ALG14: variants seen among roughly 807,000 people sequenced by gnomAD.
ALG14 encodes UDP-N-acetylglucosamine transferase subunit ALG14.
A neutral mutation model predicts 22.8 loss-of-function variants in ALG14; 17 were observed. The ratio of observed to expected loss-of-function variants is 0.75; its 90% CI spans 0.51 to 1.12. The LOEUF (loss-of-function observed/expected upper bound fraction) is 1.12. ALG14 is among the 50% of genes most tolerant of loss of function. The pLI, the probability that ALG14 is intolerant of heterozygous loss-of-function variation, is 0.00. For missense variants in ALG14, 288 were observed against 271.8 expected (o/e 1.06, Z -0.42); for synonymous variants, 89 against 103.7 (o/e 0.86, Z 0.86).
chr1:94,980,646 C>T lies in ALG14; in HGVS notation c.*2430G>A, dbSNP rs1459257330. The T allele has an allele frequency of 6.6e-6, 1 of 152,140 alleles. No homozygotes were observed. The highest frequency in any genetic ancestry group is 2.4e-5 in the African/African-American group (1 of 41,422). The allele number at this position is 152,140 out of a possible 1,614,324, so 9.4% of individuals were successfully genotyped here. Reference sequence around the variant, plus strand: ...CACCAGCCCCCTCTGCTAATGGGACCTTGAGGACTCAAATTAGCCATAACA... The same window carrying T: ...CACCAGCCCCCTCTGCTAATGGGACTTTGAGGACTCAAATTAGCCATAACA... On this transcript the variant is annotated 3_prime_UTR_variant, in exon 4 of 4. Coordinates refer to ENST00000370205, the MANE Select transcript of ALG14 (RefSeq NM_144988.4).
chr1:95,072,930 G>C lies in ALG14; in HGVS notation c.-32C>G, dbSNP rs373118614. ...AAACGGCGCATGCGTCCAACTTCCGGGGACCAGCCGCTGTCAAAGTTCACA... is the reference window on the plus strand; with the variant it reads ...AAACGGCGCATGCGTCCAACTTCCGCGGACCAGCCGCTGTCAAAGTTCACA... On this transcript the variant is annotated 5_prime_UTR_variant, in exon 1 of 4. Coordinates refer to ENST00000370205, the MANE Select transcript of ALG14 (RefSeq NM_144988.4). The C allele has an allele frequency of 1.2e-6, 2 of 1,612,034 alleles. No homozygotes were observed. Among genetic ancestry groups the C allele is most frequent in the East Asian group, 2.2e-5 (1 of 44,818 alleles).
chr1:95,019,008 G>C (rs1673582581), intron 3 of ALG14, among the ~76,000 whole-genome samples: 1 of 152,188 alleles, frequency 6.6e-6, no homozygotes, highest in South Asian at 2.1e-4. Context: ...AAAGTGATTA[G>C]CCCACAAAAG....
rs1672445589 is a variant in ALG14, at chr1:94,978,875, T to TTAA, written c.*4198_*4200dup. ...AAAAAAAAAACACCTAACGTAGCTA[T>TTAA]TAAGGTAAGCCTGGCTGGAGCTAGA... On this transcript the variant is annotated 3_prime_UTR_variant, in exon 4 of 4. Transcript: ENST00000370205. 6.6e-6 allele frequency: 1 copy of TTAA among 151,520 alleles called. No homozygotes were observed. The highest frequency in any genetic ancestry group is 6.6e-5 in the Admixed American group (1 of 15,214). The allele number at this position is 151,520 out of a possible 1,614,324, so 9.4% of individuals were successfully genotyped here.
chr1:95,064,132 T>A (rs1187267021), intron 2 of ALG14, among the ~76,000 whole-genome samples: 1 of 152,220 alleles, frequency 6.6e-6, no homozygotes, highest in Admixed American at 6.5e-5. Context: ...ATTGATTTTG[T>A]TTCCTGAGAC....
chr1:95,010,671 G>C (rs1456544495), intron 3 of ALG14, among the ~76,000 whole-genome samples: 3 of 152,050 alleles, frequency 2.0e-5, no homozygotes, highest in Non-Finnish European at 4.4e-5. Context: ...TTTATATTTT[G>C]TATTAAAAAA....
At chr1:95,066,199 T>G (rs1452345796) in intron 1 of ALG14, among the ~76,000 whole-genome samples, 2 of 151,580 alleles carry the variant, frequency 1.3e-5, no homozygotes, top group African/African-American at 4.9e-5. Context: ...TAAACATGAG[T>G]TTTCCCCCAA....
chr1:95,025,118 G>C lies in ALG14; in HGVS notation c.420+2011C>G, dbSNP rs1009136738. ...ATTTATGGGCTGCAGAATAGATGCTGTGTTAGCAGGCATAAAGATATTAAT... is the reference window on the plus strand; with the variant it reads ...ATTTATGGGCTGCAGAATAGATGCTCTGTTAGCAGGCATAAAGATATTAAT... On this transcript the variant is annotated intron_variant, in intron 3 of 3. Transcript: ENST00000370205. Among the ~76,000 whole-genome samples, 16 of 152,178 alleles carry C rather than the reference G, an allele frequency of 1.1e-4. No homozygotes were observed. In the East Asian group the frequency reaches 2.9e-3, roughly 27 times the overall value.
At chr1:95,023,078 CA>C (rs199796273) in intron 3 of ALG14, among the ~76,000 whole-genome samples, 5 of 148,632 alleles carry the variant, frequency 3.4e-5, no homozygotes, top group Admixed American at 6.7e-5. Flanking sequence ...AACACCTAAT[CA>C]AAAAAAAAAT....
rs1672548469 is a variant in ALG14, at chr1:94,983,325, G to C, written c.421-19C>G. On this transcript the variant is annotated intron_variant, in intron 3 of 3. Transcript: ENST00000370205. ...ACAACACCTGAAAGAAAAAGTTGAA[G>C]GTCAAATGAAAATACAGAATAATAA... 1 of 1,600,974 alleles carries C rather than the reference G, an allele frequency of 6.2e-7. No homozygotes were observed. The highest frequency in any genetic ancestry group is 1.1e-5 in the South Asian group (1 of 90,312).
chr1:95,027,261 C>A lies in ALG14; in HGVS notation c.289-1G>T. Reference sequence around the variant, plus strand: ...TTCGGTGAATGTAGTATTTGGTATACTAGAAGGAAACAGATGGAATCCAAA... The same window carrying A: ...TTCGGTGAATGTAGTATTTGGTATAATAGAAGGAAACAGATGGAATCCAAA... On this transcript the variant is annotated splice_acceptor_variant, in intron 2 of 3. Transcript: ENST00000370205. LOFTEE classifies it high-confidence loss of function. The A allele has an allele frequency of 6.2e-7, 1 of 1,613,868 alleles. No homozygotes were observed. Among genetic ancestry groups the A allele is most frequent in the Non-Finnish European group, 8.5e-7 (1 of 1,179,858 alleles).
intron 2 of ALG14, among the ~76,000 whole-genome samples, chr1:95,046,038 G>C (rs1674545531): frequency 6.7e-6 from 1 of 149,292 alleles, no homozygotes; most frequent in Non-Finnish European, 1.5e-5. Flanking sequence ...AATTCTATTA[G>C]TATATACTCA....
At chr1:95,043,648 G>A (rs1674452119) in intron 2 of ALG14, among the ~76,000 whole-genome samples, 1 of 152,098 alleles carries the variant, frequency 6.6e-6, no homozygotes, top group Non-Finnish European at 1.5e-5. Flanking sequence ...GAAAATATAA[G>A]TCCTTCAACA....
At chr1:95,035,337 C>T (rs193225085) in intron 2 of ALG14, among the ~76,000 whole-genome samples, 15 of 152,310 alleles carry the variant, frequency 9.8e-5, no homozygotes, top group Admixed American at 5.9e-4. Flanking sequence ...CTTTCTTATT[C>T]TCTATCGTAT....
At position 94,991,719 on chromosome 1, in the gene ALG14, TAATAA is replaced by T. The variant is rs1482239415; in HGVS notation, c.421-8418_421-8414del. Reference sequence around the variant, plus strand: ...GAAAACATTTTTGTTCTTTCTTCAATAATAAATTAACTTTAGCTTACTGTAACTTT... The same window carrying T: ...GAAAACATTTTTGTTCTTTCTTCAATATTAACTTTAGCTTACTGTAACTTT... On this transcript the variant is annotated intron_variant, in intron 3 of 3. Transcript: ENST00000370205. Among the ~76,000 whole-genome samples, 3 of 152,356 alleles carry T rather than the reference TAATAA, an allele frequency of 2.0e-5. No homozygotes were observed. The East Asian group carries it at 5.8e-4, about 29-fold the overall frequency.
At position 95,023,719 on chromosome 1, in the gene ALG14, TC is replaced by T. The variant is rs1308861237; in HGVS notation, c.420+3409del. ...TTTCATTTTTGTATGCAGAGCTCTT[TC>T]CTTGAGTATTTCATTTGGTAATGGC... On this transcript the variant is annotated intron_variant, in intron 3 of 3. Transcript: ENST00000370205. Among the ~76,000 whole-genome samples, 4 of 152,196 alleles carry T rather than the reference TC, an allele frequency of 2.6e-5. No individual in the cohort carries two copies. The South Asian group carries it at 6.2e-4, about 24-fold the overall frequency.
At chr1:95,040,761 T>C (rs2100796240) in intron 2 of ALG14, among the ~76,000 whole-genome samples, 1 of 152,294 alleles carries the variant, frequency 6.6e-6, no homozygotes, top group Non-Finnish European at 1.5e-5. Flanking sequence ...TGCCATAAAT[T>C]TGCTTTGAAA....
At chr1:94,987,484 T>G (rs1442746351) in intron 3 of ALG14, among the ~76,000 whole-genome samples, 1 of 152,166 alleles carries the variant, frequency 6.6e-6, no homozygotes, top group Non-Finnish European at 1.5e-5. Flanking sequence ...GTTATGGGTT[T>G]AGAAAACGGA....
rs138115375 is a variant in ALG14, at chr1:95,001,413, C to T, written c.421-18107G>A. Among the ~76,000 whole-genome samples, 176 of 152,224 alleles carry T rather than the reference C, an allele frequency of 1.2e-3. 4 individuals carry two copies. In the East Asian group the frequency reaches 0.032, roughly 28 times the overall value. On this transcript the variant is annotated intron_variant, in intron 3 of 3. Coordinates refer to ENST00000370205, the MANE Select transcript of ALG14 (RefSeq NM_144988.4). ...ATTTAGGAGAGAAGTATTAGTAAAC[C>T]TAGGGTGGCTGCATATATAAGCATC...
chr1:95,033,878 C>T (rs893310859), intron 2 of ALG14, among the ~76,000 whole-genome samples: 1 of 152,184 alleles, frequency 6.6e-6, no homozygotes, highest in Non-Finnish European at 1.5e-5. Flanking sequence ...AATTGCCAGA[C>T]CCATCTGTTT....
Sources: gnomAD v4.1 joint callset for allele counts (sites outside exome capture counted in the v4.1 genomes callset) on GRCh38, gnomAD v4.1.1 for gene constraint, MANE v1.5 for transcripts, NCBI Gene and HGNC (gene_info 2026-07-23, HGNC 2026-07-21) for gene names.